Variants in OFD1 observed in about 807,000 individuals in gnomAD.
OFD1 encodes the protein centriole and centriolar satellite protein OFD1.
In OFD1, 12 loss-of-function variants were observed where a neutral mutation model predicts 81.4. The observed-to-expected ratio is 0.15, with a 90% CI of 0.09 to 0.24. The LOEUF (loss-of-function observed/expected upper bound fraction) is 0.24, where lower values mean the gene tolerates loss of function less well. Among genes scored for constraint, OFD1 ranks in the 10% least tolerant of loss-of-function variants. The probability of loss-of-function intolerance (pLI) is 1.00; values close to 1 mark genes in which losing one functional copy is unlikely to be tolerated. For missense variants in OFD1, 685 were observed against 733.9 expected, an observed-to-expected ratio of 0.93 and a Z score of 0.77; for synonymous variants, 256 against 263.7, an observed-to-expected ratio of 0.97 and a Z score of 0.28.
chrX:13,756,981 G>A (rs1212080587), intron 13 of OFD1, among the ~76,000 whole-genome samples: 4 of 111,672 alleles, frequency 3.6e-5, no homozygotes, highest in African/African-American at 1.3e-4. Flanking sequence ...GGCCAGTGGG[G>A]ACACCAGCCT....
the OFD1 span, among the ~76,000 whole-genome samples, chrX:13,718,167 C>T: frequency 1.8e-5 from 2 of 112,866 alleles, no homozygotes; most frequent in African/African-American, 6.4e-5. Flanking sequence ...CTCAGTTTTT[C>T]GTACTTTGTT....
chrX:13,739,017 A>G lies in OFD1; in HGVS notation c.397A>G (p.Lys133Glu), dbSNP rs759975626. 29 of 1,202,057 alleles carry G rather than the reference A, an allele frequency of 2.4e-5. No homozygotes were observed. In the South Asian group the frequency reaches 4.6e-4, roughly 19 times the overall value. The change falls in exon 5 of 23, where the codon AAA becomes GAA. Residue 133 changes from lysine to glutamate, a missense_variant. Coordinates refer to ENST00000340096, the MANE Select transcript of OFD1 (RefSeq NM_003611.3). ...LYKSLVSGSD[K>E]ENQKGFLMHF... ...CTTTTAACAGGTTTCAGGATCTGAT[A>G]AAGAAAATCAAAAAGGTAGGAGCCG... is the stretch of plus-strand genomic sequence containing the variant.
At chrX:13,747,211 C>G (rs987878662) in intron 8 of OFD1, among the ~76,000 whole-genome samples, 12 of 112,045 alleles carry the variant, frequency 1.1e-4, no homozygotes, top group East Asian at 2.8e-4. Flanking sequence ...TAAATAAGCT[C>G]CATCTCCTCA....
intron 8 of OFD1, among the ~76,000 whole-genome samples, chrX:13,747,873 G>C (rs1288892810): frequency 9.0e-6 from 1 of 111,727 alleles, no homozygotes; most frequent in Non-Finnish European, 1.9e-5. Context: ...AGGAGACAGA[G>C]AGGGTGAGGA....
chrX:13,767,359 G>T, intron 20 of OFD1, 75 bp downstream of exon 20: 1 of 1,067,571 alleles, frequency 9.4e-7, no homozygotes, highest in East Asian at 3.0e-5. Flanking sequence ...AGCTCAGGGA[G>T]GGGAGTCAAT....
chrX:13,722,755 G>A, the OFD1 span, among the ~76,000 whole-genome samples: 320 of 112,192 alleles, frequency 2.9e-3, no homozygotes, highest in African/African-American at 9.5e-3. Context: ...ATGTGAGCTA[G>A]TGTGCATTAG....
intron 15 of OFD1, 38 bp downstream of exon 15, chrX:13,758,486 A>G (rs2047800143): frequency 2.6e-6 from 2 of 766,755 alleles, no homozygotes; most frequent in Non-Finnish European, 4.0e-6. Context: ...TTTTGTATGT[A>G]TAAAGCTTCT....
intron 5 of OFD1, chrX:13,740,147 A>G (rs1767915160): frequency 5.2e-6 from 5 of 970,846 alleles, no homozygotes; most frequent in Non-Finnish European, 6.6e-6. Context: ...CAGAATATAA[A>G]TAAATTGGAG....
the OFD1 span, among the ~76,000 whole-genome samples, chrX:13,727,665 C>T: frequency 8.9e-6 from 1 of 112,154 alleles, no homozygotes; most frequent in African/African-American, 3.2e-5. Context: ...TTAAAATCTA[C>T]ACCCTAACAT....
chrX:13,757,370 G>A (rs952994858), intron 13 of OFD1, among the ~76,000 whole-genome samples: 1 of 111,958 alleles, frequency 8.9e-6, no homozygotes, highest in Non-Finnish European at 1.9e-5. Flanking sequence ...GTGCACAGTA[G>A]AGGAGAGAAA....
Position 13,746,319 on chromosome X carries a change from C to T in OFD1, c.518C>T (p.Ala173Val), listed in dbSNP as rs780801119. 1 of 1,206,865 alleles carries T rather than the reference C, an allele frequency of 8.3e-7. No individual in the cohort carries two copies. Among genetic ancestry groups the T allele is most frequent in the South Asian group, 1.8e-5 (1 of 56,907 alleles). The change falls in exon 7 of 23, where the codon GCT (alanine) becomes GTT (valine). Residue 173 changes from alanine to valine, a missense_variant and splice_region_variant. Ala to Val is a moderately conservative substitution (Grantham distance 64, BLOSUM62 0). Around this residue, in one of 3 missense-constraint regions of OFD1, gnomAD observed 414 missense variants for 447.2 expected, o/e 0.93. Coordinates refer to ENST00000340096, the MANE Select transcript of OFD1 (RefSeq NM_003611.3). ...TSSTFNRDSL[A>V]EKLQLIDDQF... Reference sequence around the variant, plus strand: ...AATTTGATGTGTTATTTTTTAATAGCTGAGAAGCTTCAGCTTATTGATGAT... The same window carrying T: ...AATTTGATGTGTTATTTTTTAATAGTTGAGAAGCTTCAGCTTATTGATGAT...
At chrX:13,753,337 G>A (rs952916516) in intron 10 of OFD1, 31 bp from the exon 11 acceptor site, 1 of 1,207,076 alleles carries the variant, frequency 8.3e-7, no homozygotes, top group African/African-American at 1.8e-5. Context: ...AAATGCCTGA[G>A]GAGCTCATAT....
chrX:13,766,435 T>A lies in OFD1; in HGVS notation c.2600-692T>A, dbSNP rs749590142. The stretch of plus-strand genomic sequence containing the variant: ...ATCGAAGGACCGGGATGATCATGCC[T>A]GGGACGAAGCTAGTGCTGTGGGGTT... On this transcript the variant is annotated intron_variant, in intron 19 of 22. Coordinates refer to ENST00000340096, the MANE Select transcript of OFD1 (RefSeq NM_003611.3). Among the ~76,000 whole-genome samples the A allele has an allele frequency of 2.7e-5, 3 of 111,806 alleles. No individual in the cohort carries two copies. The South Asian group carries it at 1.1e-3, about 42-fold the overall frequency.
intron 3 of OFD1, 24 bp from the exon 4 acceptor site, chrX:13,738,822 C>T (rs770646166): frequency 1.1e-5 from 10 of 925,248 alleles, no homozygotes; most frequent in South Asian, 8.0e-5. Flanking sequence ...AATATGTCTA[C>T]TTAGTAACCT....
At chrX:13,767,634 A>G (rs2048182731) in intron 20 of OFD1, among the ~76,000 whole-genome samples, 1 of 112,123 alleles carries the variant, frequency 8.9e-6, no homozygotes, top group South Asian at 3.7e-4. Context: ...CTGGGACTAG[A>G]ACCCAAGGGA....
upstream of OFD1, chrX:13,734,552 G>T: frequency 2.6e-6 from 1 of 388,760 alleles, no homozygotes; most frequent in South Asian, 9.2e-5. Context: ...CAACGGAAAC[G>T]CAATGTCAGT....
the OFD1 span, among the ~76,000 whole-genome samples, chrX:13,727,534 A>T: frequency 2.7e-5 from 3 of 112,390 alleles, no homozygotes. Flanking sequence ...AGAAATAAAG[A>T]TGTTCTCTGA....
chrX:13,714,565 G>A, the OFD1 span: 1 of 654,044 alleles, frequency 1.5e-6, no homozygotes, highest in Non-Finnish European at 2.2e-6. Context: ...GTTTCTGAAA[G>A]GAAATCATTT....
chrX:13,717,034 T>TAAAAAAA, the OFD1 span, among the ~76,000 whole-genome samples: 13 of 37,940 alleles, frequency 3.4e-4, no homozygotes, highest in Admixed American at 1.3e-3. Flanking sequence ...GATACTATGT[T>TAAAAAAA]AAAAAAAAAA....
Sources: allele counts gnomAD v4.1 joint callset (sites outside exome capture counted in the v4.1 genomes callset), GRCh38; gene constraint gnomAD v4.1.1; regional missense constraint gnomAD v4.1.1; transcripts MANE v1.5; gene names NCBI Gene and HGNC (gene_info 2026-07-23, HGNC 2026-07-21).